BMPR1B: variants seen among roughly 807,000 people sequenced by gnomAD.
BMPR1B encodes the protein bone morphogenetic protein receptor type-1B.
A neutral mutation model predicts 59.1 loss-of-function variants in BMPR1B; 12 were observed. That is an observed-to-expected ratio of 0.20 (90% CI 0.13 to 0.33). The LOEUF is 0.33. Among genes scored for constraint, BMPR1B ranks in the 10% least tolerant of loss-of-function variants. The pLI is 1.00. For missense variants in BMPR1B, 550 were observed against 610.9 expected (o/e 0.90, Z 1.05); for synonymous variants, 237 against 207.3 (o/e 1.14, Z -1.23).
At chr4:95,087,851 A>G (rs577891794) in intron 3 of BMPR1B, among the ~76,000 whole-genome samples, 1 of 152,316 alleles carries the variant, frequency 6.6e-6, no homozygotes, top group South Asian at 2.1e-4. Context: ...TGACAGATAA[A>G]GCTTTCCTTG....
At chr4:94,810,449 T>C (rs943499578) in intron 1 of BMPR1B, among the ~76,000 whole-genome samples, 1 of 152,126 alleles carries the variant, frequency 6.6e-6, no homozygotes, top group Non-Finnish European at 1.5e-5. Context: ...AATTAAAAAA[T>C]CGGTGCAAGG....
intron 1 of BMPR1B, among the ~76,000 whole-genome samples, chr4:94,785,988 C>G (rs1003456485): frequency 6.6e-6 from 1 of 152,198 alleles, no homozygotes; most frequent in East Asian, 1.9e-4. Flanking sequence ...CAAGATCTGG[C>G]CACATCATCA....
chr4:94,811,031 G>T (rs1723792880), intron 1 of BMPR1B, among the ~76,000 whole-genome samples: 1 of 152,150 alleles, frequency 6.6e-6, no homozygotes, highest in Non-Finnish European at 1.5e-5. Flanking sequence ...GCACAATAAA[G>T]AATGATGAAT....
At chr4:95,021,794 G>A (rs1351906345) in intron 3 of BMPR1B, among the ~76,000 whole-genome samples, 1 of 152,162 alleles carries the variant, frequency 6.6e-6, no homozygotes, top group East Asian at 1.9e-4. Context: ...CACTATTAAT[G>A]CTGCTTGGAG....
intron 1 of BMPR1B, among the ~76,000 whole-genome samples, chr4:94,868,360 C>T (rs751594617): frequency 9.9e-5 from 15 of 151,800 alleles, no homozygotes; most frequent in Admixed American, 3.3e-4. Context: ...TTAGTAGAGA[C>T]GGGATTTCAC....
chr4:94,861,504 C>G (rs1314503246), intron 1 of BMPR1B, among the ~76,000 whole-genome samples: 1 of 152,126 alleles, frequency 6.6e-6, no homozygotes, highest in South Asian at 2.1e-4. Context: ...AATACCTGTG[C>G]TCAGACCCTG....
In BMPR1B at chr4:94,769,921, C is replaced by T. The variant is rs552195635; in HGVS notation, c.-183+11853C>T. ...TATTTGGAAAGTGATTAGATTTTAGCTTCTTTTCTTCACTTCATATTTCTC... is the reference window on the plus strand; with the variant it reads ...TATTTGGAAAGTGATTAGATTTTAGTTTCTTTTCTTCACTTCATATTTCTC... On this transcript the variant is annotated intron_variant, in intron 1 of 12. Transcript: ENST00000515059. Among the ~76,000 whole-genome samples the T allele has an allele frequency of 5.3e-5, 8 of 152,290 alleles. No homozygotes were observed. In the East Asian group the frequency reaches 1.5e-3, roughly 29 times the overall value.
intron 1 of BMPR1B, among the ~76,000 whole-genome samples, chr4:94,801,743 G>T (rs1723417071): frequency 6.6e-6 from 1 of 151,962 alleles, no homozygotes; most frequent in African/African-American, 2.4e-5. Flanking sequence ...AAGTTTTTTT[G>T]CATACAAATA....
chr4:94,974,816 A>T (rs531398386), intron 2 of BMPR1B, among the ~76,000 whole-genome samples: 1 of 152,288 alleles, frequency 6.6e-6, no homozygotes, highest in East Asian at 1.9e-4. Context: ...GTAAATGCAG[A>T]TAATTGCCTG....
chr4:94,871,204 C>T (rs558031882), intron 1 of BMPR1B, among the ~76,000 whole-genome samples: 1 of 152,226 alleles, frequency 6.6e-6, no homozygotes, highest in East Asian at 1.9e-4. Flanking sequence ...ACTCCAAGAC[C>T]TGTTTCTTTG....
chr4:94,956,826 A>T (rs529102961), intron 2 of BMPR1B, among the ~76,000 whole-genome samples: 1 of 152,128 alleles, frequency 6.6e-6, no homozygotes, highest in African/African-American at 2.4e-5. Context: ...TAACTCTTCA[A>T]AAAGGCTCAG....
intron 2 of BMPR1B, among the ~76,000 whole-genome samples, chr4:94,937,694 A>G (rs1006055979): frequency 1.3e-5 from 2 of 150,174 alleles, no homozygotes; most frequent in Non-Finnish European, 3.0e-5. Context: ...TTTAAATTTT[A>G]TGTATATGTA....
chr4:94,830,196 C>A (rs1724526106), intron 1 of BMPR1B, among the ~76,000 whole-genome samples: 1 of 151,790 alleles, frequency 6.6e-6, no homozygotes, highest in South Asian at 2.1e-4. Flanking sequence ...TTTTGGACAG[C>A]TTCAAAAGGG....
chr4:94,770,906 A>G (rs1215357287), intron 1 of BMPR1B, among the ~76,000 whole-genome samples: 1 of 151,890 alleles, frequency 6.6e-6, no homozygotes, highest in Non-Finnish European at 1.5e-5. Flanking sequence ...AAAAAAAAAA[A>G]AAATGAAAAG....
At chr4:94,907,682 A>G (rs919861711) in intron 2 of BMPR1B, among the ~76,000 whole-genome samples, 4 of 152,002 alleles carry the variant, frequency 2.6e-5, no homozygotes, top group Non-Finnish European at 5.9e-5. Context: ...TCATGTGTGT[A>G]TCGTTGCATG....
At chr4:95,147,142 A>G (rs1025677877) in intron 10 of BMPR1B, among the ~76,000 whole-genome samples, 3 of 152,164 alleles carry the variant, frequency 2.0e-5, no homozygotes, top group Non-Finnish European at 4.4e-5. Flanking sequence ...TATTGCACCT[A>G]GAAAACCACG....
chr4:95,075,756 C>A (rs1004743982), intron 3 of BMPR1B, among the ~76,000 whole-genome samples: 1 of 151,742 alleles, frequency 6.6e-6, no homozygotes, highest in Admixed American at 6.6e-5. Flanking sequence ...AGAACACAGT[C>A]AGTTATTTCC....
At chr4:95,148,976 T>G in intron 11 of BMPR1B, 53 bp downstream of exon 11, 1 of 1,598,412 alleles carries the variant, frequency 6.3e-7, no homozygotes, top group Non-Finnish European at 8.6e-7. Flanking sequence ...CTATAAATCC[T>G]TTCTTTCTGA....
At chr4:94,808,732 C>G (rs1258128477) in intron 1 of BMPR1B, among the ~76,000 whole-genome samples, 5 of 152,064 alleles carry the variant, frequency 3.3e-5, no homozygotes, top group Admixed American at 3.3e-4. Flanking sequence ...CTTACATTTC[C>G]AAAAGTTTTT....
Sources: gnomAD v4.1 joint callset for allele counts (sites outside exome capture counted in the v4.1 genomes callset) on GRCh38, gnomAD v4.1.1 for gene constraint, MANE v1.5 for transcripts, NCBI Gene and HGNC (gene_info 2026-07-23, HGNC 2026-07-21) for gene names.